Variants in SMC6 observed in about 807,000 individuals in gnomAD.
The protein encoded by SMC6 is structural maintenance of chromosomes protein 6.
A neutral mutation model predicts 142.2 loss-of-function variants in SMC6; 79 were observed. That is an observed-to-expected ratio of 0.56 (90% CI 0.46 to 0.67). The LOEUF (loss-of-function observed/expected upper bound fraction) is 0.67, where lower values mean the gene tolerates loss of function less well. Ranked by LOEUF, SMC6 falls within the 30% of genes least tolerant of loss-of-function variation. SMC6 has a pLI of 0.00. For synonymous variants in SMC6, 411 were observed against 412.4 expected (o/e 1.00, Z 0.04); for missense variants, 1,072 against 1,284.0 (o/e 0.83, Z 2.52).
chr2:17,746,157 T>G (rs570799129), intron 2 of SMC6: 7 of 475,090 alleles, frequency 1.5e-5, no homozygotes, highest in Admixed American at 1.2e-4. Flanking sequence ...GGAAATAGAT[T>G]TTCCCCTAGA....
chr2:17,744,288 T>C (rs980083878), intron 3 of SMC6, among the ~76,000 whole-genome samples: 1 of 152,198 alleles, frequency 6.6e-6, no homozygotes, highest in Non-Finnish European at 1.5e-5. Flanking sequence ...GGTATCTCAA[T>C]GTTGTTTTAA....
At chr2:17,733,283 T>G (rs1473805947) in intron 5 of SMC6, among the ~76,000 whole-genome samples, 1 of 152,238 alleles carries the variant, frequency 6.6e-6, no homozygotes, top group Non-Finnish European at 1.5e-5. Context: ...TCCTTTTCTG[T>G]ACAAGTGCCC....
chr2:17,727,702 G>A (rs1462368883), intron 7 of SMC6, among the ~76,000 whole-genome samples: 2 of 152,194 alleles, frequency 1.3e-5, no homozygotes, highest in Admixed American at 6.5e-5. Flanking sequence ...CAGTTTACAT[G>A]TTAAAAATAA....
chr2:17,736,908 AAAT>A (rs1572352130), intron 5 of SMC6, among the ~76,000 whole-genome samples: 4 of 152,082 alleles, frequency 2.6e-5, no homozygotes, highest in African/African-American at 9.6e-5. Context: ...ATTGACTAGT[AAAT>A]AATAATAATT....
At chr2:17,707,457 C>A in intron 17 of SMC6, 78 bp from the exon 18 acceptor site, 1 of 839,292 alleles carries the variant, frequency 1.2e-6, no homozygotes, top group East Asian at 3.2e-5. Context: ...AAATGTTACT[C>A]GTCCTTATTA....
chr2:17,677,904 A>G (rs1667071771), intron 25 of SMC6, among the ~76,000 whole-genome samples: 1 of 152,244 alleles, frequency 6.6e-6, no homozygotes. Context: ...TGTAAGTATT[A>G]AAATGAAAGG....
At chr2:17,665,638 C>G in intron 27 of SMC6, 25 bp from the exon 28 acceptor site, 1 of 1,426,916 alleles carries the variant, frequency 7.0e-7, no homozygotes, top group South Asian at 1.3e-5. Flanking sequence ...ATCAATTACT[C>G]AAATTTCCAA....
At chr2:17,691,946 C>T (rs1265840174) in intron 23 of SMC6, among the ~76,000 whole-genome samples, 1 of 152,122 alleles carries the variant, frequency 6.6e-6, no homozygotes, top group African/African-American at 2.4e-5. Context: ...GAGTGAACTC[C>T]CATTCACAAT....
chr2:17,717,991 A>G (rs1410742117), intron 12 of SMC6, 86 bp downstream of exon 12: 33 of 1,367,786 alleles, frequency 2.4e-5, no homozygotes, highest in Non-Finnish European at 3.1e-5. Context: ...TTCAAAAAAA[A>G]TAAAATATAA....
Position 17,721,111 on chromosome 2 carries a change from A to C in SMC6, c.846+31T>G, listed in dbSNP as rs774657997. ...CAAATACATTCTGCATATCACATAG[A>C]TACGTGAACAAGTAATTAAGTGATA... On this transcript the variant is annotated intron_variant, in intron 10 of 27. Coordinates refer to ENST00000448223, the MANE Select transcript of SMC6 (RefSeq NM_001142286.2). The C allele has an allele frequency of 7.4e-6, 12 of 1,610,882 alleles. No homozygotes were observed. In the South Asian group the frequency reaches 9.9e-5, roughly 13 times the overall value.
chr2:17,748,054 A>C (rs1238378748), intron 2 of SMC6, among the ~76,000 whole-genome samples: 3 of 152,224 alleles, frequency 2.0e-5, no homozygotes. Flanking sequence ...ACTAAAAGCA[A>C]GTCCATGATA....
chr2:17,716,116 G>A lies in SMC6; in HGVS notation c.1495C>T (p.His499Tyr), dbSNP rs1408775484. Reference protein sequence around the residue: ...EAIDDAYRQGHFTYKPVGPLG... With the variant: ...EAIDDAYRQGYFTYKPVGPLG... Reference sequence around the variant, plus strand: ...GGGCCTACAGGTTTATAGGTAAAATGTCCTTGTCTATAAGCATCATCTATG... The same window carrying A: ...GGGCCTACAGGTTTATAGGTAAAATATCCTTGTCTATAAGCATCATCTATG... The change falls in exon 15 of 28, where the codon CAT becomes TAT. Residue 499 changes from histidine to tyrosine, a missense_variant. Around this residue, in one of 3 missense-constraint regions of SMC6, gnomAD observed 994 missense variants for 1,153.2 expected, o/e 0.86. Transcript: ENST00000448223. The A allele has an allele frequency of 6.3e-7, 1 of 1,599,282 alleles. No homozygotes were observed. Among genetic ancestry groups the A allele is most frequent in the Non-Finnish European group, 8.5e-7 (1 of 1,176,194 alleles).
intron 23 of SMC6, among the ~76,000 whole-genome samples, chr2:17,691,467 A>C (rs1016789559): frequency 6.6e-6 from 1 of 150,826 alleles, no homozygotes; most frequent in Admixed American, 6.6e-5. Context: ...GACAAAAAAC[A>C]CATGACTCTC....
intron 26 of SMC6, among the ~76,000 whole-genome samples, 186 bp from the exon 27 acceptor site, chr2:17,666,703 C>A (rs1290430903): frequency 6.6e-6 from 1 of 151,996 alleles, no homozygotes; most frequent in African/African-American, 2.4e-5. Context: ...AGAAAATTGG[C>A]TGGGTGCAGT....
At chr2:17,712,115 A>G (rs180926732) in intron 16 of SMC6, among the ~76,000 whole-genome samples, 6 of 152,318 alleles carry the variant, frequency 3.9e-5, no homozygotes, top group South Asian at 4.1e-4. Context: ...AGTTTGAAGG[A>G]AGGTGTATTT....
intron 23 of SMC6, among the ~76,000 whole-genome samples, chr2:17,687,224 G>A (rs967708425): frequency 6.6e-6 from 1 of 152,102 alleles, no homozygotes; most frequent in Non-Finnish European, 1.5e-5. Flanking sequence ...ATACAGATTC[G>A]AGCACTTATA....
chr2:17,721,862 A>G (rs1001152077), intron 9 of SMC6, among the ~76,000 whole-genome samples: 5 of 151,960 alleles, frequency 3.3e-5, no homozygotes, highest in African/African-American at 1.2e-4. Context: ...CACCCAGCTA[A>G]TTTTTGTATT....
intron 25 of SMC6, among the ~76,000 whole-genome samples, chr2:17,676,062 A>G (rs146554236): frequency 3.0e-3 from 454 of 152,214 alleles, no homozygotes; most frequent in African/African-American, 0.01. Flanking sequence ...TTCAATTTAG[A>G]TATTTCCTTT....
intron 25 of SMC6, among the ~76,000 whole-genome samples, chr2:17,676,364 T>A (rs1202324460): frequency 6.6e-6 from 1 of 152,062 alleles, no homozygotes; most frequent in Non-Finnish European, 1.5e-5. Flanking sequence ...TTTCCTACTT[T>A]AAAAAAAATT....
Sources: gnomAD v4.1 joint callset for allele counts (sites outside exome capture counted in the v4.1 genomes callset) on GRCh38, gnomAD v4.1.1 for gene constraint, gnomAD v4.1.1 regional missense constraint, MANE v1.5 for transcripts, NCBI Gene and HGNC (gene_info 2026-07-23, HGNC 2026-07-21) for gene names.